The following ZNF251 variants were observed in gnomAD, a reference collection of about 807,000 sequenced individuals.
ZNF251 encodes zinc finger protein 251.
A neutral mutation model predicts 13.5 loss-of-function variants in ZNF251; 14 were observed. That is an observed-to-expected ratio of 1.04 (90% CI 0.69 to 1.63). ZNF251 has a LOEUF of 1.63. Ranked by LOEUF, ZNF251 falls within the 40% of genes most tolerant of loss-of-function variation. The pLI, the probability that ZNF251 is intolerant of heterozygous loss-of-function variation, is 0.00. For missense variants in ZNF251, 764 were observed against 834.9 expected (o/e 0.92, Z 1.05); for synonymous variants, 287 against 295.2 (o/e 0.97, Z 0.28).
intron 4 of ZNF251, among the ~76,000 whole-genome samples, chr8:144,740,616 A>G (rs1563764561): frequency 6.6e-6 from 1 of 151,400 alleles, no homozygotes; most frequent in Non-Finnish European, 1.5e-5. Context: ...AGCCTGGGCA[A>G]CAAAACAAGA....
chr8:144,733,635 C>G (rs557614127), intron 4 of ZNF251, among the ~76,000 whole-genome samples: 47 of 152,190 alleles, frequency 3.1e-4, no homozygotes, highest in Non-Finnish European at 5.1e-4. Flanking sequence ...CCCCTCTTCT[C>G]CATCTGGGCT....
chr8:144,729,212 C>A (rs971886186), intron 4 of ZNF251, among the ~76,000 whole-genome samples: 2 of 151,886 alleles, frequency 1.3e-5, no homozygotes, highest in South Asian at 2.1e-4. Flanking sequence ...ACTCCTAAAG[C>A]TCCTGGTTAT....
intron 4 of ZNF251, among the ~76,000 whole-genome samples, chr8:144,731,401 G>A (rs1045352147): frequency 6.6e-6 from 1 of 152,150 alleles, no homozygotes; most frequent in Non-Finnish European, 1.5e-5. Flanking sequence ...CTTGATAGAG[G>A]TTTGGTTTAC....
intron 4 of ZNF251, among the ~76,000 whole-genome samples, chr8:144,739,042 GA>G (rs1824033717): frequency 2.0e-5 from 3 of 151,882 alleles, no homozygotes; most frequent in Admixed American, 2.0e-4. Context: ...CATCCACCTG[GA>G]CAGCCCCCAT....
chr8:144,731,853 G>C lies in ZNF251; in HGVS notation c.278-8471C>G, dbSNP rs545186188. ...TCCGCCCACCTCGGCCTCCCAAAGT[G>C]CTGGGATTACAGACATGAGTCACCA... On this transcript the variant is annotated intron_variant, in intron 4 of 4. Transcript: ENST00000292562. 4.6e-5 allele frequency among the ~76,000 whole-genome samples: 7 copies of C among 152,164 alleles called. No homozygotes were observed. The South Asian group carries it at 1.5e-3, about 32-fold the overall frequency.
At chr8:144,751,686 ATAT>A (rs1824699199) in intron 4 of ZNF251, among the ~76,000 whole-genome samples, 1 of 152,238 alleles carries the variant, frequency 6.6e-6, no homozygotes, top group African/African-American at 2.4e-5. Context: ...AAAAAATAAA[ATAT>A]TATGCACAAG....
chr8:144,755,415 G>C lies in ZNF251; in HGVS notation c.-86C>G, dbSNP rs890177181. ...CCGACACTGCCCCACCTGTTTGCTC[G>C]ACCCGGGGAAGCCACCGAGGAAGCG... On this transcript the variant is annotated 5_prime_UTR_variant, in exon 1 of 5. Transcript: ENST00000292562. 5 of 1,288,280 alleles carry C rather than the reference G, an allele frequency of 3.9e-6. No individual in the cohort carries two copies. The Admixed American group carries it at 6.9e-5, about 18-fold the overall frequency. The allele number at this position is 1,288,280 out of a possible 1,614,324, so 79.8% of individuals were successfully genotyped here.
intron 4 of ZNF251, 93 bp from the exon 5 acceptor site, chr8:144,723,475 C>T: frequency 1.1e-6 from 1 of 912,186 alleles, no homozygotes; most frequent in Non-Finnish European, 1.5e-6. Context: ...AACCATCATG[C>T]AGAAGGCAGA....
intron 4 of ZNF251, among the ~76,000 whole-genome samples, chr8:144,739,825 G>GCA (rs1824075233): frequency 6.6e-6 from 1 of 151,926 alleles, no homozygotes; most frequent in South Asian, 2.1e-4. Flanking sequence ...AACCTGGGAG[G>GCA]GTAAGGCTGC....
intron 4 of ZNF251, chr8:144,753,469 T>C (rs1824798007): frequency 3.9e-6 from 2 of 509,514 alleles, no homozygotes; most frequent in Non-Finnish European, 6.9e-6. Context: ...TCAGAAGTAG[T>C]ATATATATAT....
rs1199984624 is a variant in ZNF251 at position 144,722,812 on chromosome 8, T to A, written c.848A>T (p.His283Leu). 6.2e-7 allele frequency: 1 copy of A among 1,614,104 alleles called. No homozygotes were observed. The part of the protein sequence containing the change: ...TFGLNSHLRL[H>L]RRIHTGEKPF... ...TTTTTCTCCAGTGTGAATTCTCCGA[T>A]GAAGACGGAGGTGAGAATTGAGTCC... is the stretch of plus-strand genomic sequence containing the variant. The change falls in exon 5 of 5, where the codon CAT becomes CTT. Residue 283 changes from histidine (H) to leucine (L), a missense_variant. Physicochemically the swap from His to Leu is moderately conservative, Grantham distance 99. Transcript: ENST00000292562. The surrounding 1 kb of genome is among the most constrained non-coding windows in gnomAD (Gnocchi z 4.8).
Position 144,753,674 on chromosome 8 carries a change from C to T in ZNF251, c.277+9G>A. ...CTGCTCCCAGGATTAGCATCCCATC[C>T]ATTCTCACCTTTCTGGCAGCTTTTC... On this transcript the variant is annotated intron_variant, in intron 4 of 4. Transcript: ENST00000292562. 6.4e-7 allele frequency: 1 copy of T among 1,560,414 alleles called. No individual in the cohort carries two copies. The highest frequency in any genetic ancestry group is 8.7e-7 in the Non-Finnish European group (1 of 1,150,664).
Position 144,721,519 on chromosome 8 carries a change from G to C in ZNF251, c.*125C>G, listed in dbSNP as rs978764536. The C allele has an allele frequency of 1.0e-4, 101 of 974,014 alleles. No homozygotes were observed. Among genetic ancestry groups the C allele is most frequent in the Non-Finnish European group, 1.3e-4 (100 of 747,786 alleles). The allele number at this position is 974,014 out of a possible 1,614,324, so 60.3% of individuals were successfully genotyped here. On this transcript the variant is annotated 3_prime_UTR_variant, in exon 5 of 5. Coordinates refer to ENST00000292562, the MANE Select transcript of ZNF251 (RefSeq NM_138367.2). ...TCCAGATTTAATGACTTTGACTTTA[G>C]TAGTCATCTGAACTATTTATTTTAC... is the stretch of plus-strand genomic sequence containing the variant.
At chr8:144,752,381 C>T (rs1824739195) in intron 4 of ZNF251, among the ~76,000 whole-genome samples, 1 of 152,076 alleles carries the variant, frequency 6.6e-6, no homozygotes, top group African/African-American at 2.4e-5. Flanking sequence ...ATGACAATAA[C>T]AATAAGATAA....
intron 4 of ZNF251, among the ~76,000 whole-genome samples, chr8:144,746,799 G>A (rs1824451506): frequency 6.6e-6 from 1 of 151,782 alleles, no homozygotes; most frequent in African/African-American, 2.4e-5. Context: ...AAAGTCTGTG[G>A]GACATCTCTG....
At chr8:144,753,626 CCTCTTAAGGCAGGATTGG>C (rs774081177) in intron 4 of ZNF251, 39 bp downstream of exon 4, 2 of 1,414,898 alleles carry the variant, frequency 1.4e-6, no homozygotes, top group Admixed American at 4.0e-5. Context: ...TCGCTTGGAG[CCTCTTAAGGCAGGATTGG>C]GAGGCTGCTC....
At chr8:144,753,129 G>A (rs1824773605) in intron 4 of ZNF251, among the ~76,000 whole-genome samples, 1 of 151,800 alleles carries the variant, frequency 6.6e-6, no homozygotes, top group African/African-American at 2.4e-5. Flanking sequence ...AAAAAAACTA[G>A]CCAGGTATGG....
At chr8:144,749,367 C>A (rs892892576) in intron 4 of ZNF251, among the ~76,000 whole-genome samples, 7 of 152,102 alleles carry the variant, frequency 4.6e-5, no homozygotes, top group African/African-American at 9.7e-5. Flanking sequence ...TGCCTGTAGT[C>A]CCAGCTACTT....
intron 4 of ZNF251, among the ~76,000 whole-genome samples, chr8:144,731,948 ATTTT>A (rs59877504): frequency 7.0e-6 from 1 of 141,978 alleles, no homozygotes; most frequent in Non-Finnish European, 1.5e-5. Flanking sequence ...TGACAGCTGC[ATTTT>A]TTTTTTTTAA....
Sources: gnomAD v4.1 joint callset for allele counts (sites outside exome capture counted in the v4.1 genomes callset) on GRCh38, gnomAD v4.1.1 for gene constraint, Gnocchi (gnomAD v3.1) non-coding constraint, MANE v1.5 for transcripts, NCBI Gene and HGNC (gene_info 2026-07-23, HGNC 2026-07-21) for gene names.